The following WDFY4 variants were observed in gnomAD, a reference collection of about 807,000 sequenced individuals.
The protein encoded by WDFY4 is WDFY family member 4, also known as WD repeat- and FYVE domain-containing protein 4.
A neutral mutation model predicts 351.9 loss-of-function variants in WDFY4; 169 were observed. The observed-to-expected ratio is 0.48, with a 90% CI of 0.42 to 0.55. WDFY4 has a LOEUF of 0.55. Ranked by LOEUF, WDFY4 falls within the 20% of genes least tolerant of loss-of-function variation. The pLI, the probability that WDFY4 is intolerant of heterozygous loss-of-function variation, is 0.00. For missense variants in WDFY4, 3,803 were observed against 3,935.6 expected (o/e 0.97, Z 0.90); for synonymous variants, 1,622 against 1,574.6 (o/e 1.03, Z -0.71).
In WDFY4 at chr10:48,805,204, G is replaced by C. The variant is rs575615841; in HGVS notation, c.4485-56G>C. On this transcript the variant is annotated intron_variant, in intron 25 of 61. Transcript: ENST00000325239. Reference sequence around the variant, plus strand: ...GAAAAACCTTTTTAGCAGAAACACAGCAAATTTGGTTCATTCCAGTAAAAG... The same window carrying C: ...GAAAAACCTTTTTAGCAGAAACACACCAAATTTGGTTCATTCCAGTAAAAG... 20 of 1,509,476 alleles carry C rather than the reference G, an allele frequency of 1.3e-5. No homozygotes were observed. In the African/African-American group the frequency reaches 2.1e-4, roughly 16 times the overall value. The allele number at this position is 1,509,476 out of a possible 1,614,324, so 93.5% of individuals were successfully genotyped here.
chr10:48,968,951 T>C (rs1337024168), intron 55 of WDFY4, 113 bp from the exon 56 acceptor site: 3 of 1,126,298 alleles, frequency 2.7e-6, no homozygotes, highest in African/African-American at 3.1e-5. Context: ...GGTGCTGTCC[T>C]TCCATGCTTA....
rs1457186125 is a variant in WDFY4 at position 48,742,951 on chromosome 10, T to C, written c.1879-17T>C. On this transcript the variant is annotated splice_polypyrimidine_tract_variant and intron_variant, in intron 11 of 61. Coordinates refer to ENST00000325239, the MANE Select transcript of WDFY4 (RefSeq NM_001394531.1). ...ACCTCCTGGAGTGCACTCATTTTGA[T>C]TTGCTTGGTGTTTCAGTCTCTGCTC... 10 of 1,532,744 alleles carry C rather than the reference T, an allele frequency of 6.5e-6. No homozygotes were observed. In the Admixed American group the frequency reaches 2.0e-4, roughly 30 times the overall value. 94.9% of individuals were successfully genotyped at this position (1,532,744 alleles called of 1,614,324 possible). A position where few individuals can be genotyped will look rare whatever the true frequency, so the allele number is the denominator to read the frequency against.
intron 39 of WDFY4, among the ~76,000 whole-genome samples, chr10:48,840,996 C>T (rs1195419773): frequency 6.6e-6 from 1 of 152,086 alleles, no homozygotes; most frequent in Non-Finnish European, 1.5e-5. Flanking sequence ...AACAGAGCAC[C>T]GTGAAGTTGA....
chr10:48,727,096 T>C (rs1328728348), intron 6 of WDFY4, among the ~76,000 whole-genome samples: 1 of 152,206 alleles, frequency 6.6e-6, no homozygotes, highest in African/African-American at 2.4e-5. Context: ...CATCCTCCCC[T>C]GCATTTTTCA....
At chr10:48,921,931 T>C (rs1203353210) in intron 47 of WDFY4, among the ~76,000 whole-genome samples, 1 of 152,194 alleles carries the variant, frequency 6.6e-6, no homozygotes, top group Non-Finnish European at 1.5e-5. Flanking sequence ...ATTAACCATA[T>C]AGTTATTATA....
At chr10:48,726,873 GC>G (rs1216365969) in intron 6 of WDFY4, among the ~76,000 whole-genome samples, 2 of 152,170 alleles carry the variant, frequency 1.3e-5, no homozygotes, top group East Asian at 3.8e-4. Context: ...CCATCCAAAT[GC>G]AAATCTGAGG....
At chr10:48,870,870 T>G (rs1247404856) in intron 40 of WDFY4, among the ~76,000 whole-genome samples, 1 of 152,160 alleles carries the variant, frequency 6.6e-6, no homozygotes, top group Non-Finnish European at 1.5e-5. Flanking sequence ...ACATGTGTGC[T>G]CTGTGATGAA....
At chr10:48,827,717 A>G (rs2068052116) in intron 36 of WDFY4, among the ~76,000 whole-genome samples, 1 of 151,588 alleles carries the variant, frequency 6.6e-6, no homozygotes, top group Admixed American at 6.6e-5. Context: ...TCACTTGAAA[A>G]AAAAACAATC....
intron 19 of WDFY4, among the ~76,000 whole-genome samples, chr10:48,786,212 C>G (rs1219735056): frequency 6.6e-6 from 1 of 152,060 alleles, no homozygotes; most frequent in Non-Finnish European, 1.5e-5. Context: ...GCTGAATTCA[C>G]TTATTCTAGG....
intron 1 of WDFY4, among the ~76,000 whole-genome samples, chr10:48,705,010 G>C (rs1252145254): frequency 6.6e-6 from 1 of 152,260 alleles, no homozygotes; most frequent in Non-Finnish European, 1.5e-5. Context: ...CCATGAGGCA[G>C]GGATGGGTCT....
chr10:48,831,910 C>G (rs984970218), intron 38 of WDFY4, among the ~76,000 whole-genome samples: 1 of 152,142 alleles, frequency 6.6e-6, no homozygotes, highest in Non-Finnish European at 1.5e-5. Flanking sequence ...CATTCATGAG[C>G]GTAGAACCCT....
intron 30 of WDFY4, among the ~76,000 whole-genome samples, chr10:48,813,099 C>T (rs866652534): frequency 2.0e-5 from 3 of 152,190 alleles, no homozygotes; most frequent in South Asian, 2.1e-4. Flanking sequence ...ACGGACCCAC[C>T]TTTCACTCAA....
intron 54 of WDFY4, among the ~76,000 whole-genome samples, chr10:48,965,826 A>G (rs61848118): frequency 0.23 from 951 of 4,204 alleles, 22 homozygotes; most frequent in South Asian, 0.35. Context: ...GATTATATCT[A>G]TACCAGTTAG....
intron 35 of WDFY4, among the ~76,000 whole-genome samples, chr10:48,825,236 T>G (rs11101525): frequency 0.19 from 29,216 of 152,126 alleles, 3,768 homozygotes; most frequent in African/African-American, 0.37. Flanking sequence ...TTGTGTTAGT[T>G]TGCTGAGGAT....
chr10:48,695,861 C>G (rs535585034), intron 1 of WDFY4, among the ~76,000 whole-genome samples: 1 of 152,144 alleles, frequency 6.6e-6, no homozygotes, highest in Non-Finnish European at 1.5e-5. Flanking sequence ...GTACACATAC[C>G]GAGATACAGA....
chr10:48,843,766 C>A (rs2620906), intron 39 of WDFY4, among the ~76,000 whole-genome samples: 9,813 of 152,242 alleles, frequency 0.064, 700 homozygotes, highest in African/African-American at 0.18. Context: ...GATGTACCTG[C>A]ATTCTGAAAA....
intron 47 of WDFY4, among the ~76,000 whole-genome samples, chr10:48,928,580 C>A (rs1839784050): frequency 6.6e-6 from 1 of 152,138 alleles, no homozygotes; most frequent in South Asian, 2.1e-4. Context: ...TCCTGGGGGC[C>A]AAGAGGACAC....
chr10:48,978,290 A>C lies in WDFY4; in HGVS notation c.9292-19A>C. ...CAGGATCGTCTTCCCCGCCGATGACATTTGCTCTTTTGGGGCAGGTTTGGA... is the reference window on the plus strand; with the variant it reads ...CAGGATCGTCTTCCCCGCCGATGACCTTTGCTCTTTTGGGGCAGGTTTGGA... On this transcript the variant is annotated intron_variant, in intron 59 of 61. Coordinates refer to ENST00000325239, the MANE Select transcript of WDFY4 (RefSeq NM_001394531.1). 1.3e-6 allele frequency: 2 copies of C among 1,550,206 alleles called. No individual in the cohort carries two copies. The highest frequency in any genetic ancestry group is 1.7e-6 in the Non-Finnish European group (2 of 1,146,188).
chr10:48,969,358 C>A, intron 56 of WDFY4, 110 bp downstream of exon 56: 2 of 1,326,908 alleles, frequency 1.5e-6, no homozygotes, highest in Non-Finnish European at 2.0e-6. Context: ...GCTCACTTTC[C>A]CTACAAGGTG....
Sources: allele counts gnomAD v4.1 joint callset (sites outside exome capture counted in the v4.1 genomes callset), GRCh38; gene constraint gnomAD v4.1.1; transcripts MANE v1.5; gene names NCBI Gene and HGNC (gene_info 2026-07-23, HGNC 2026-07-21).